DAB1: variants seen among roughly 807,000 people sequenced by gnomAD.
DAB1 encodes the protein disabled homolog 1.
Under a neutral mutation model 64.6 loss-of-function variants are expected in DAB1, and 15 were observed. That is an observed-to-expected ratio of 0.23 (90% CI 0.16 to 0.36). The LOEUF is 0.36. DAB1 is among the 10% of genes least tolerant of loss of function. The pLI, the probability that DAB1 is intolerant of heterozygous loss-of-function variation, is 1.00. For missense variants in DAB1, 596 were observed against 706.7 expected (o/e 0.84, Z 1.78); for synonymous variants, 235 against 251.9 (o/e 0.93, Z 0.64).
intron 6 of DAB1, among the ~76,000 whole-genome samples, chr1:57,709,838 G>A (rs550004001): frequency 2.6e-5 from 4 of 152,190 alleles, no homozygotes; most frequent in Non-Finnish European, 4.4e-5. Context: ...TTATTGTACA[G>A]GTGGTGACAA....
chr1:58,037,875 C>T (rs867300070), intron 5 of DAB1, among the ~76,000 whole-genome samples: 7 of 152,146 alleles, frequency 4.6e-5, no homozygotes, highest in Middle Eastern at 3.2e-3. Context: ...TCAGGGTCAG[C>T]TTCCAGGAAA....
chr1:57,913,548 T>A (rs898288150), intron 5 of DAB1, among the ~76,000 whole-genome samples: 1 of 152,144 alleles, frequency 6.6e-6, no homozygotes, highest in African/African-American at 2.4e-5. Flanking sequence ...GGACTTCATG[T>A]CTAAAACACC....
intron 7 of DAB1, among the ~76,000 whole-genome samples, chr1:57,519,316 T>C (rs2101375393): frequency 6.6e-6 from 1 of 152,308 alleles, no homozygotes; most frequent in East Asian, 1.9e-4. Flanking sequence ...GAGATAAGCC[T>C]GCCGGTGCCC....
At chr1:57,648,672 C>T (rs1046739579) in intron 7 of DAB1, among the ~76,000 whole-genome samples, 1 of 152,210 alleles carries the variant, frequency 6.6e-6, no homozygotes, top group Non-Finnish European at 1.5e-5. Context: ...TCATATTTGC[C>T]TTGCAAACTC....
At chr1:57,601,530 C>G (rs1645575780) in intron 7 of DAB1, among the ~76,000 whole-genome samples, 1 of 152,078 alleles carries the variant, frequency 6.6e-6, no homozygotes, top group South Asian at 2.1e-4. Flanking sequence ...ATTGCGCCTC[C>G]AGACTGGAGT....
At chr1:57,639,695 G>A (rs1230830705) in intron 7 of DAB1, among the ~76,000 whole-genome samples, 2 of 152,100 alleles carry the variant, frequency 1.3e-5, no homozygotes. Flanking sequence ...GCTCAGCACT[G>A]GGGGTGTCTT....
intron 3 of DAB1, among the ~76,000 whole-genome samples, chr1:58,441,794 T>C (rs1182453185): frequency 6.6e-6 from 1 of 152,214 alleles, no homozygotes; most frequent in Non-Finnish European, 1.5e-5. Context: ...GACGTTAATT[T>C]ATGTACTTAC....
At chr1:57,874,168 G>C (rs967824786) in intron 1 of DAB1, 5 of 152,172 alleles carry the variant, frequency 3.3e-5, no homozygotes, top group Non-Finnish European at 5.9e-5. Context: ...CTTTCCAAGA[G>C]AGACTGTGAA....
At chr1:58,230,396 G>A (rs1234373981) in intron 4 of DAB1, among the ~76,000 whole-genome samples, 1 of 152,268 alleles carries the variant, frequency 6.6e-6, no homozygotes, top group South Asian at 2.1e-4. Flanking sequence ...CACATCTCTC[G>A]AGACTCCCAG....
At chr1:58,256,015 A>G (rs1248527395) in intron 4 of DAB1, among the ~76,000 whole-genome samples, 2 of 152,068 alleles carry the variant, frequency 1.3e-5, no homozygotes, top group African/African-American at 2.4e-5. Flanking sequence ...CGCTCTTTCC[A>G]TTGCATTTTC....
chr1:57,161,515 T>C (rs1011389298), intron 2 of DAB1, among the ~76,000 whole-genome samples: 22 of 152,224 alleles, frequency 1.4e-4, no homozygotes, highest in Admixed American at 3.9e-4. Flanking sequence ...CACAACTTGC[T>C]TCCCTTTGGC....
chr1:58,026,377 G>T (rs1189650097), intron 5 of DAB1, among the ~76,000 whole-genome samples: 1 of 152,150 alleles, frequency 6.6e-6, no homozygotes, highest in Non-Finnish European at 1.5e-5. Flanking sequence ...TGATAAGAGG[G>T]TCACATTATT....
chr1:57,036,214 A>T (rs1647145397), intron 9 of DAB1, among the ~76,000 whole-genome samples: 1 of 151,962 alleles, frequency 6.6e-6, no homozygotes. Context: ...AACCACCTCC[A>T]CTCAAGAGCC....
At chr1:57,723,638 G>A (rs1647175215) in intron 6 of DAB1, among the ~76,000 whole-genome samples, 1 of 152,154 alleles carries the variant, frequency 6.6e-6, no homozygotes, top group South Asian at 2.1e-4. Context: ...CATCAAAGCA[G>A]TTTTGTTTTC....
rs113999184 is a variant in DAB1 at position 58,114,440 on chromosome 1, T to C, written n.387+36071A>G. Among the ~76,000 whole-genome samples the C allele has an allele frequency of 9.6e-3, 1,466 of 152,242 alleles. 13 individuals carry two copies. The highest frequency in any genetic ancestry group is 0.023 in the Admixed American group (346 of 15,290). On this transcript the variant is annotated intron_variant and non_coding_transcript_variant, in intron 5 of 20. Transcript: ENST00000485760. ...ACCCTTTGGATAACATTGAGAGAGATAGGTAGACATAACCAACCCTGCATT... is the reference window on the plus strand; with the variant it reads ...ACCCTTTGGATAACATTGAGAGAGACAGGTAGACATAACCAACCCTGCATT...
chr1:57,588,276 C>A (rs1278418697), intron 7 of DAB1, among the ~76,000 whole-genome samples: 3 of 152,306 alleles, frequency 2.0e-5, no homozygotes, highest in African/African-American at 7.2e-5. Context: ...AGACAGCACC[C>A]CCCTACCACC....
chr1:57,955,875 T>C (rs926151631), intron 5 of DAB1, among the ~76,000 whole-genome samples: 2 of 152,218 alleles, frequency 1.3e-5, no homozygotes, highest in Non-Finnish European at 2.9e-5. Context: ...TTATATGGTA[T>C]ATACTGGTCT....
At chr1:57,921,622 A>G (rs1274051331) in intron 5 of DAB1, among the ~76,000 whole-genome samples, 7 of 152,058 alleles carry the variant, frequency 4.6e-5, no homozygotes, top group African/African-American at 1.7e-4. Context: ...GAATCAGATC[A>G]CTTCTTGCCA....
At chr1:58,049,490 T>C (rs1400104693) in intron 5 of DAB1, among the ~76,000 whole-genome samples, 2 of 152,168 alleles carry the variant, frequency 1.3e-5, no homozygotes, top group Non-Finnish European at 2.9e-5. Flanking sequence ...ATTGATTGTG[T>C]CTGGTAAATT....
Sources: allele counts gnomAD v4.1 joint callset (sites outside exome capture counted in the v4.1 genomes callset), GRCh38; gene constraint gnomAD v4.1.1; transcripts MANE v1.5; gene names NCBI Gene and HGNC (gene_info 2026-07-23, HGNC 2026-07-21).